HERC1: variants seen among roughly 807,000 people sequenced by gnomAD.
HERC1 encodes the protein probable E3 ubiquitin-protein ligase HERC1.
HERC1 carries 160 observed loss-of-function variants against 554.3 expected under a neutral mutation model. The observed-to-expected ratio is 0.29, with a 90% CI of 0.25 to 0.33. HERC1 has a LOEUF of 0.33. HERC1 is among the 10% of genes least tolerant of loss of function. The pLI, the probability that HERC1 is intolerant of heterozygous loss-of-function variation, is 1.00. For missense variants in HERC1, 4,919 were observed against 5,918.5 expected, an observed-to-expected ratio of 0.83 and a Z score of 5.54; for synonymous variants, 2,175 against 2,131.7, an observed-to-expected ratio of 1.02 and a Z score of -0.56.
Position 63,826,798 on chromosome 15 carries a change from A to ATATAT in HERC1, c.-27+7028_-27+7029insATATA, listed in dbSNP as rs1483588151. ...CTTATCTCTGGTAAAAAAAAAAAAA[A>ATATAT]AAAAAAAAAAAAAAAAATATATATA... On this transcript the variant is annotated intron_variant, in intron 1 of 77. Transcript: ENST00000443617. 4.2e-4 allele frequency among the ~76,000 whole-genome samples: 20 copies of ATATAT among 48,096 alleles called. 1 individual carries two copies. Among genetic ancestry groups the ATATAT allele is most frequent in the African/African-American group, 1.8e-3 (19 of 10,668 alleles). The allele number at this position is 48,096 out of a possible 152,430, so 31.6% of individuals were successfully genotyped here. A position where few individuals can be genotyped will look rare whatever the true frequency, so the allele number is the denominator to read the frequency against.
At chr15:63,822,179 T>G (rs1196462057) in intron 1 of HERC1, among the ~76,000 whole-genome samples, 1 of 152,106 alleles carries the variant, frequency 6.6e-6, no homozygotes, top group Non-Finnish European at 1.5e-5. Context: ...TACGGATAGT[T>G]CAATGTAGCA....
At chr15:63,829,594 T>TAATATATATAAAA (rs2078086680) in intron 1 of HERC1, among the ~76,000 whole-genome samples, 1 of 131,474 alleles carries the variant, frequency 7.6e-6, no homozygotes, top group East Asian at 2.1e-4. Flanking sequence ...TATATATATA[T>TAATATATATAAAA]AATATACTGA....
intron 47 of HERC1, 61 bp from the exon 48 acceptor site, chr15:63,658,779 T>C: frequency 7.5e-7 from 1 of 1,330,294 alleles, no homozygotes; most frequent in Non-Finnish European, 1.0e-6. Context: ...TCTGAACTAC[T>C]AAAAACATTT....
chr15:63,646,567 C>T (rs139265743), intron 55 of HERC1, among the ~76,000 whole-genome samples: 15 of 150,390 alleles, frequency 1.0e-4, no homozygotes, highest in African/African-American at 3.7e-4. Context: ...TTTGGGAGGC[C>T]GAGGTGGGCG....
chr15:63,794,300 C>A lies in HERC1; in HGVS notation c.-26-18651G>T, dbSNP rs540377238. Among the ~76,000 whole-genome samples, 10 of 152,268 alleles carry A rather than the reference C, an allele frequency of 6.6e-5. 1 individual carries two copies. In the South Asian group the frequency reaches 2.1e-3, roughly 32 times the overall value. ...CCCTGAATTCTTTCTTGCGTGAGAT[C>A]CAAGAACCCTCTCCTGGGGTCTGGA... is the stretch of plus-strand genomic sequence containing the variant. On this transcript the variant is annotated intron_variant, in intron 1 of 77. Transcript: ENST00000443617.
intron 67 of HERC1, 42 bp downstream of exon 67, chr15:63,633,806 T>C: frequency 6.3e-7 from 1 of 1,591,932 alleles, no homozygotes; most frequent in Non-Finnish European, 8.6e-7. Flanking sequence ...AGATGAAAAC[T>C]ATTTATGTTG....
intron 3 of HERC1, among the ~76,000 whole-genome samples, chr15:63,759,751 G>T (rs1417636349): frequency 6.6e-6 from 1 of 152,132 alleles, no homozygotes; most frequent in African/African-American, 2.4e-5. Context: ...GCTGAATCAA[G>T]CAAAACGATA....
intron 1 of HERC1, among the ~76,000 whole-genome samples, chr15:63,809,642 G>T (rs2077239902): frequency 6.6e-6 from 1 of 152,160 alleles, no homozygotes; most frequent in Admixed American, 6.5e-5. Flanking sequence ...TATTGAACTT[G>T]TACGGAGTTG....
rs1301931385 is a variant in HERC1 at position 63,734,839 on chromosome 15, T to A, written c.2531A>T (p.Glu844Val). 1 of 1,610,438 alleles carries A rather than the reference T, an allele frequency of 6.2e-7. No homozygotes were observed. Among genetic ancestry groups the A allele is most frequent in the Non-Finnish European group, 8.5e-7 (1 of 1,178,408 alleles). ...CATGGTTGCTCCCACTGATAAAGTT[T>A]CAATTACCACCTAATATCAAAAGAG... ...VPDEIQEVVI[E>V]TLSVGATMLL... The change falls in exon 13 of 78, where the codon GAA becomes GTA. Residue 844 changes from glutamate (E) to valine (V), a missense_variant. Physicochemically the swap from Glu to Val is moderately radical, Grantham distance 121. Around this residue, in one of 11 missense-constraint regions of HERC1, gnomAD observed 744 missense variants for 1,090.0 expected, o/e 0.68. Transcript: ENST00000443617. This position sits in a 1 kb window ranked among gnomAD's most constrained non-coding sequence, Gnocchi z 4.6.
chr15:63,614,831 A>G (rs1430143209), intron 76 of HERC1, among the ~76,000 whole-genome samples: 1 of 152,232 alleles, frequency 6.6e-6, no homozygotes, highest in African/African-American at 2.4e-5. Flanking sequence ...TGAAATAGAA[A>G]ATGCATTCTT....
intron 30 of HERC1, among the ~76,000 whole-genome samples, chr15:63,693,091 T>A (rs1366534222): frequency 6.6e-6 from 1 of 151,910 alleles, no homozygotes; most frequent in Non-Finnish European, 1.5e-5. Context: ...GGCAGCACAA[T>A]CGCTTGAACC....
chr15:63,807,479 C>T (rs971806955), intron 1 of HERC1, among the ~76,000 whole-genome samples: 4 of 152,164 alleles, frequency 2.6e-5, no homozygotes, highest in African/African-American at 9.7e-5. Context: ...CTTCTTTTCC[C>T]CTCAGACTTA....
At chr15:63,670,440 G>C (rs1566993096) in intron 39 of HERC1, among the ~76,000 whole-genome samples, 1 of 152,188 alleles carries the variant, frequency 6.6e-6, no homozygotes. Context: ...AAAATGTACT[G>C]TCTACCAAGT....
chr15:63,735,519 A>G lies in HERC1; in HGVS notation c.2521-670T>C, dbSNP rs553041772. Among the ~76,000 whole-genome samples, 153 of 151,886 alleles carry G rather than the reference A, an allele frequency of 1.0e-3. 2 individuals are homozygous for G. Among genetic ancestry groups the G allele is most frequent in the Non-Finnish European group, 1.6e-3 (108 of 67,968 alleles). ...TGTAACTAACGTGCACATTGTGCAC[A>G]TGTACCCTAAAATTTAAAGTATAAA... On this transcript the variant is annotated intron_variant, in intron 12 of 77. Transcript: ENST00000443617.
At chr15:63,684,983 T>C (rs1160096679) in intron 34 of HERC1, among the ~76,000 whole-genome samples, 9 of 152,248 alleles carry the variant, frequency 5.9e-5, no homozygotes, top group Non-Finnish European at 1.2e-4. Flanking sequence ...CACTCCAGCC[T>C]GGGTGACAGA....
intron 1 of HERC1, among the ~76,000 whole-genome samples, chr15:63,813,428 T>C (rs2077395898): frequency 6.6e-6 from 1 of 151,988 alleles, no homozygotes; most frequent in Admixed American, 6.6e-5. Context: ...TCTTAATGTT[T>C]ACAAAATCTG....
At position 63,712,868 on chromosome 15, in the gene HERC1, C is replaced by T. The variant is rs769713606; in HGVS notation, c.4491G>A (p.Arg1497=). The T allele has an allele frequency of 6.2e-7, 1 of 1,613,540 alleles. No individual in the cohort carries two copies. Among genetic ancestry groups the T allele is most frequent in the South Asian group, 1.1e-5 (1 of 91,032 alleles). Reference sequence around the variant, plus strand: ...TATAATTTGGGCTTGTGTGGACTAGCCGGCTCTCTGCAGTAAGACTTTCAC... The same window carrying T: ...TATAATTTGGGCTTGTGTGGACTAGTCGGCTCTCTGCAGTAAGACTTTCAC... ...TRSESLTAES[R]LVHTSPNYRL... Residue 1497 remains arginine (R), a synonymous_variant, in exon 24 of 78, where the codon CGG becomes CGA. Transcript: ENST00000443617.
chr15:63,739,327 G>A (rs781185854), intron 12 of HERC1, among the ~76,000 whole-genome samples: 3 of 150,088 alleles, frequency 2.0e-5, no homozygotes, highest in Non-Finnish European at 4.4e-5. Flanking sequence ...CCTCCCAAGC[G>A]GCTAGGACTA....
chr15:63,681,589 A>G (rs891206035), intron 34 of HERC1, among the ~76,000 whole-genome samples: 1 of 138,332 alleles, frequency 7.2e-6, no homozygotes, highest in Non-Finnish European at 1.5e-5. Flanking sequence ...ACACTGATTT[A>G]AAAAAAAAAA....
Sources: allele counts gnomAD v4.1 joint callset (sites outside exome capture counted in the v4.1 genomes callset), GRCh38; gene constraint gnomAD v4.1.1; regional missense constraint gnomAD v4.1.1; non-coding constraint Gnocchi (gnomAD v3.1); transcripts MANE v1.5; gene names NCBI Gene and HGNC (gene_info 2026-07-23, HGNC 2026-07-21).